The following RALGAPA2 variants were observed in gnomAD, a reference collection of about 807,000 sequenced individuals.
The protein encoded by RALGAPA2 is Ral GTPase activating protein catalytic subunit alpha 2.
A neutral mutation model predicts 230.4 loss-of-function variants in RALGAPA2; 139 were observed. The ratio of observed to expected loss-of-function variants is 0.60; its 90% CI spans 0.53 to 0.69. The LOEUF is 0.69. Among genes scored for constraint, RALGAPA2 ranks in the 30% least tolerant of loss-of-function variants. RALGAPA2 has a pLI of 0.00. For synonymous variants in RALGAPA2, 847 were observed against 837.8 expected (o/e 1.01, Z -0.19); for missense variants, 2,163 against 2,276.0 (o/e 0.95, Z 1.01).
At chr20:20,413,842 T>A (rs2122785630) in intron 37 of RALGAPA2, among the ~76,000 whole-genome samples, 1 of 152,368 alleles carries the variant, frequency 6.6e-6, no homozygotes, top group Admixed American at 6.5e-5. Flanking sequence ...GCTTCTTGAC[T>A]GTGGGCTGAA....
At chr20:20,621,600 G>A (rs190020882) in intron 10 of RALGAPA2, among the ~76,000 whole-genome samples, 1 of 151,384 alleles carries the variant, frequency 6.6e-6, no homozygotes, top group African/African-American at 2.4e-5. Flanking sequence ...AGCTATCAAT[G>A]TTAACAAGAG....
chr20:20,635,631 G>A lies in RALGAPA2; in HGVS notation c.806-14C>T. 1 of 1,500,562 alleles carries A rather than the reference G, an allele frequency of 6.7e-7. No homozygotes were observed. The highest frequency in any genetic ancestry group is 9.0e-7 in the Non-Finnish European group (1 of 1,116,032). The allele number at this position is 1,500,562 out of a possible 1,614,324, so 93.0% of individuals were successfully genotyped here. ...AATGGGGGATGTCTGGTAGAAGAAA[G>A]AACACATGATTGATTAGGTTAATAA... On this transcript the variant is annotated splice_polypyrimidine_tract_variant and intron_variant, in intron 8 of 39. Coordinates refer to ENST00000202677, the MANE Select transcript of RALGAPA2 (RefSeq NM_020343.4).
chr20:20,663,766 A>T (rs1218989416), intron 3 of RALGAPA2, among the ~76,000 whole-genome samples: 5 of 152,084 alleles, frequency 3.3e-5, no homozygotes, highest in African/African-American at 4.8e-5. Context: ...TAATTATTGT[A>T]TTTTTAGTAC....
rs747567237 is a variant in RALGAPA2 at position 20,584,950 on chromosome 20, T to A, written c.2445A>T (p.Leu815Phe). The change falls in exon 19 of 40, where the codon TTA becomes TTT. Residue 815 changes from leucine (L) to phenylalanine (F), a missense_variant. Transcript: ENST00000202677. ...CAGCAGGGCTGCTGCTTCTTCGAACTAAGATCTTCAGACAAAAAGAAATAT... is the reference window on the plus strand; with the variant it reads ...CAGCAGGGCTGCTGCTTCTTCGAACAAAGATCTTCAGACAAAAAGAAATAT... ...VKREHEGITI[L>F]VRRSSSPAEL... is the part of the protein sequence containing the mutation. 9.3e-6 allele frequency: 15 copies of A among 1,608,220 alleles called. No individual in the cohort carries two copies. In the South Asian group the frequency reaches 1.7e-4, roughly 18 times the overall value.
At chr20:20,486,568 C>T (rs1464303330) in intron 36 of RALGAPA2, among the ~76,000 whole-genome samples, 1 of 152,086 alleles carries the variant, frequency 6.6e-6, no homozygotes, top group Non-Finnish European at 1.5e-5. Context: ...TTGTATGTGT[C>T]TAGGTATAGA....
At chr20:20,704,159 T>C (rs2069506592) in intron 1 of RALGAPA2, among the ~76,000 whole-genome samples, 1 of 152,044 alleles carries the variant, frequency 6.6e-6, no homozygotes, top group South Asian at 2.1e-4. Context: ...TCCCTCCATG[T>C]CCCCATCATC....
intron 38 of RALGAPA2, among the ~76,000 whole-genome samples, chr20:20,403,961 G>A (rs922256795): frequency 3.9e-5 from 6 of 152,204 alleles, no homozygotes; most frequent in African/African-American, 1.2e-4. Flanking sequence ...TGCTGGGATG[G>A]TGGAGGCCAC....
At chr20:20,616,009 T>C in intron 13 of RALGAPA2, 34 bp downstream of exon 13, 2 of 1,371,194 alleles carry the variant, frequency 1.5e-6, no homozygotes, top group Non-Finnish European at 1.9e-6. Context: ...GAAACATCTG[T>C]TTTACAATAC....
At chr20:20,611,089 C>T (rs1185029037) in intron 14 of RALGAPA2, among the ~76,000 whole-genome samples, 1 of 152,118 alleles carries the variant, frequency 6.6e-6, no homozygotes, top group Non-Finnish European at 1.5e-5. Flanking sequence ...TCCTACCACC[C>T]TTGAGCAAAT....
rs577661963 is a variant in RALGAPA2 at position 20,463,847 on chromosome 20, T to C, written c.5495+8982A>G. Among the ~76,000 whole-genome samples, 5 of 152,374 alleles carry C rather than the reference T, an allele frequency of 3.3e-5. No individual in the cohort carries two copies. The South Asian group carries it at 1.0e-3, about 32-fold the overall frequency. ...CTAGCAGCACTATGAAAAAGGTAAG[T>C]TGGGTCAGCAAATACCCTCTTGCAT... On this transcript the variant is annotated intron_variant, in intron 37 of 39. Coordinates refer to ENST00000202677, the MANE Select transcript of RALGAPA2 (RefSeq NM_020343.4).
chr20:20,710,519 C>G (rs1305665005), intron 1 of RALGAPA2, among the ~76,000 whole-genome samples: 1 of 152,082 alleles, frequency 6.6e-6, no homozygotes, highest in Non-Finnish European at 1.5e-5. Flanking sequence ...ATAAACAAAG[C>G]AAACTGGGCC....
chr20:20,419,531 A>C (rs1312903690), intron 37 of RALGAPA2, among the ~76,000 whole-genome samples: 2 of 152,214 alleles, frequency 1.3e-5, no homozygotes, highest in African/African-American at 4.8e-5. Context: ...AAATTTTCAG[A>C]AAGTTGTGGG....
chr20:20,535,427 C>T (rs933352039), intron 26 of RALGAPA2, among the ~76,000 whole-genome samples: 1 of 152,186 alleles, frequency 6.6e-6, no homozygotes, highest in African/African-American at 2.4e-5. Context: ...TACACCATTT[C>T]TATAAATATT....
At chr20:20,571,979 T>A in intron 21 of RALGAPA2, 33 bp from the exon 22 acceptor site, 1 of 1,432,978 alleles carries the variant, frequency 7.0e-7, no homozygotes, top group Non-Finnish European at 9.7e-7. Flanking sequence ...TTAGGGTAGG[T>A]AACATTACGT....
intron 13 of RALGAPA2, among the ~76,000 whole-genome samples, 189 bp downstream of exon 13, chr20:20,615,854 T>C (rs1424389924): frequency 6.6e-6 from 1 of 152,214 alleles, no homozygotes; most frequent in Non-Finnish European, 1.5e-5. Flanking sequence ...TTTAAAAATA[T>C]AATGAAAATA....
intron 1 of RALGAPA2, among the ~76,000 whole-genome samples, chr20:20,708,365 C>T (rs1342578679): frequency 6.6e-6 from 1 of 152,146 alleles, no homozygotes; most frequent in Non-Finnish European, 1.5e-5. Flanking sequence ...ATCCAAATCT[C>T]ACCTGGAATT....
chr20:20,542,216 CTCT>C (rs1460843447), intron 24 of RALGAPA2, among the ~76,000 whole-genome samples: 1 of 152,096 alleles, frequency 6.6e-6, no homozygotes, highest in Non-Finnish European at 1.5e-5. Flanking sequence ...TGTGAAGGAC[CTCT>C]TCAAGGGTAA....
rs373242524 is a variant in RALGAPA2, at chr20:20,637,262, T to C, written c.805+101A>G. The C allele has an allele frequency of 1.6e-5, 16 of 986,352 alleles. No homozygotes were observed. In the East Asian group the frequency reaches 2.4e-4, roughly 15 times the overall value. The allele number at this position is 986,352 out of a possible 1,614,324, so 61.1% of individuals were successfully genotyped here. ...ATAAAGTTACCATTCAATACAAAAA[T>C]AAAATGACTATTTTACTTTAAAATA... On this transcript the variant is annotated intron_variant, in intron 8 of 39. Transcript: ENST00000202677.
At chr20:20,585,724 A>T (rs1262358988) in intron 18 of RALGAPA2, among the ~76,000 whole-genome samples, 2 of 152,160 alleles carry the variant, frequency 1.3e-5, no homozygotes, top group Non-Finnish European at 2.9e-5. Context: ...AGTTCTATGT[A>T]CAGGAAGAGA....
Sources: allele counts gnomAD v4.1 joint callset (sites outside exome capture counted in the v4.1 genomes callset), GRCh38; gene constraint gnomAD v4.1.1; transcripts MANE v1.5; gene names NCBI Gene and HGNC (gene_info 2026-07-23, HGNC 2026-07-21).